Variants in SLC24A3 observed in about 807,000 individuals in gnomAD.
SLC24A3 encodes the protein solute carrier family 24 member 3.
A neutral mutation model predicts 75.8 loss-of-function variants in SLC24A3; 28 were observed. The observed-to-expected ratio is 0.37, with a 90% confidence interval of 0.27 to 0.51. The LOEUF (loss-of-function observed/expected upper bound fraction) is 0.51. Ranked by LOEUF, SLC24A3 falls within the 20% of genes least tolerant of loss-of-function variation. SLC24A3 has a pLI of 0.94. For missense variants in SLC24A3, 663 were observed against 847.8 expected (o/e 0.78, Z 2.71); for synonymous variants, 372 against 334.1 (o/e 1.11, Z -1.24).
At chr20:19,675,149 C>T (rs1164403817) in intron 9 of SLC24A3, among the ~76,000 whole-genome samples, 1 of 152,184 alleles carries the variant, frequency 6.6e-6, no homozygotes, top group Non-Finnish European at 1.5e-5. Flanking sequence ...CATCTTTTTG[C>T]CAGGCACCAC....
intron 2 of SLC24A3, among the ~76,000 whole-genome samples, chr20:19,428,305 C>T (rs1987046731): frequency 6.6e-6 from 1 of 152,188 alleles, no homozygotes; most frequent in African/African-American, 2.4e-5. Flanking sequence ...TTATTGTTTG[C>T]TAGCTTAAAC....
intron 2 of SLC24A3, among the ~76,000 whole-genome samples, chr20:19,393,034 G>A (rs575940141): frequency 6.6e-6 from 1 of 152,232 alleles, no homozygotes; most frequent in Admixed American, 6.5e-5. Flanking sequence ...CAAGCAGAGA[G>A]TACATTTTTC....
intron 15 of SLC24A3, among the ~76,000 whole-genome samples, chr20:19,708,012 T>C (rs921817122): frequency 1.3e-5 from 2 of 151,670 alleles, no homozygotes; most frequent in Non-Finnish European, 2.9e-5. Context: ...CATGTCGTGA[T>C]GTTGGATGGG....
chr20:19,599,556 T>TA (rs1364964144), intron 6 of SLC24A3, among the ~76,000 whole-genome samples: 1 of 152,244 alleles, frequency 6.6e-6, no homozygotes, highest in Non-Finnish European at 1.5e-5. Context: ...GAACACCTGA[T>TA]AGTGCTGAGC....
intron 2 of SLC24A3, among the ~76,000 whole-genome samples, chr20:19,448,512 G>A (rs576667071): frequency 5.3e-5 from 8 of 152,188 alleles, no homozygotes; most frequent in African/African-American, 1.2e-4. Flanking sequence ...CTGAACCCTC[G>A]AATCACAGCG....
intron 2 of SLC24A3, among the ~76,000 whole-genome samples, chr20:19,514,058 G>A (rs1327389397): frequency 6.6e-6 from 1 of 152,204 alleles, no homozygotes; most frequent in Non-Finnish European, 1.5e-5. Flanking sequence ...CAAACACTTC[G>A]TGTGGCTCCA....
At chr20:19,685,393 G>C in intron 12 of SLC24A3, 32 bp downstream of exon 12, 1 of 1,604,198 alleles carries the variant, frequency 6.2e-7, no homozygotes. Flanking sequence ...CTGGGGTTGG[G>C]AGCTATTTTG....
intron 2 of SLC24A3, among the ~76,000 whole-genome samples, chr20:19,348,365 G>A (rs998972179): frequency 6.6e-6 from 1 of 152,200 alleles, no homozygotes; most frequent in Admixed American, 6.5e-5. Context: ...GGCAAACACA[G>A]TCATAGCTGG....
At chr20:19,618,419 C>T (rs531712312) in intron 6 of SLC24A3, among the ~76,000 whole-genome samples, 1 of 152,308 alleles carries the variant, frequency 6.6e-6, no homozygotes, top group South Asian at 2.1e-4. Context: ...AGGCTCTTCC[C>T]TCTGTGCATG....
intron 2 of SLC24A3, among the ~76,000 whole-genome samples, chr20:19,339,817 A>G (rs943806709): frequency 6.6e-6 from 1 of 152,236 alleles, no homozygotes; most frequent in African/African-American, 2.4e-5. Context: ...ATTAGGCTTA[A>G]CCAACAGCAC....
At chr20:19,216,876 A>T (rs922936050) in intron 1 of SLC24A3, among the ~76,000 whole-genome samples, 1 of 152,168 alleles carries the variant, frequency 6.6e-6, no homozygotes, top group Non-Finnish European at 1.5e-5. Flanking sequence ...TCTCTGCTCC[A>T]CTACATCTGG....
chr20:19,283,312 A>G (rs1176820227), intron 2 of SLC24A3: 1 of 152,514 alleles, frequency 6.6e-6, no homozygotes, highest in African/African-American at 2.4e-5. Flanking sequence ...CCCAGACTGC[A>G]GCATTCTTTT....
intron 3 of SLC24A3, among the ~76,000 whole-genome samples, chr20:19,531,176 A>G (rs567992758): frequency 3.5e-4 from 53 of 152,074 alleles, no homozygotes; most frequent in Non-Finnish European, 6.5e-4. Context: ...AAGCCCAGCC[A>G]CCAGGTTAAC....
chr20:19,223,727 T>C (rs1457046577), intron 1 of SLC24A3, among the ~76,000 whole-genome samples: 1 of 152,208 alleles, frequency 6.6e-6, no homozygotes, highest in East Asian at 1.9e-4. Context: ...CTGGTGATGA[T>C]GTGAGATGAT....
At chr20:19,488,127 C>T (rs1230676755) in intron 2 of SLC24A3, among the ~76,000 whole-genome samples, 1 of 152,204 alleles carries the variant, frequency 6.6e-6, no homozygotes, top group African/African-American at 2.4e-5. Context: ...AATTGGCATG[C>T]GCTGGGTAGC....
At chr20:19,459,165 C>T (rs1987628929) in intron 2 of SLC24A3, among the ~76,000 whole-genome samples, 1 of 152,170 alleles carries the variant, frequency 6.6e-6, no homozygotes, top group Admixed American at 6.5e-5. Flanking sequence ...GTTGAGATAC[C>T]TGGTTTACTG....
intron 2 of SLC24A3, among the ~76,000 whole-genome samples, chr20:19,375,366 A>G (rs1302006005): frequency 1.3e-5 from 2 of 152,188 alleles, no homozygotes; most frequent in Non-Finnish European, 2.9e-5. Context: ...TCTGGGAGAA[A>G]GAAAACTCAC....
At chr20:19,556,590 AAAAAG>A (rs1195762082) in intron 3 of SLC24A3, among the ~76,000 whole-genome samples, 1 of 151,946 alleles carries the variant, frequency 6.6e-6, no homozygotes, top group Admixed American at 6.6e-5. Context: ...AAAAAAAAAA[AAAAAG>A]AAAAGGCAAT....
chr20:19,576,633 T>A (rs559088696), intron 3 of SLC24A3, among the ~76,000 whole-genome samples: 1 of 152,172 alleles, frequency 6.6e-6, no homozygotes, highest in Admixed American at 6.5e-5. Flanking sequence ...CAGCTTTTGA[T>A]AGTCATTACC....
Sources: gnomAD v4.1 joint callset for allele counts (sites outside exome capture counted in the v4.1 genomes callset) on GRCh38, gnomAD v4.1.1 for gene constraint, MANE v1.5 for transcripts, NCBI Gene and HGNC (gene_info 2026-07-23, HGNC 2026-07-21) for gene names.